Variants in NSUN6 observed in about 807,000 individuals in gnomAD.
NSUN6 encodes NOP2/Sun RNA methyltransferase 6, also known as tRNA (cytosine(72)-C(5))-methyltransferase NSUN6.
NSUN6 carries 64 observed loss-of-function variants against 58.0 expected under a neutral mutation model. The observed-to-expected ratio is 1.10, with a 90% confidence interval of 0.90 to 1.36. The LOEUF (loss-of-function observed/expected upper bound fraction) is 1.36, where lower values mean the gene tolerates loss of function less well. Among genes scored for constraint, NSUN6 ranks in the 40% most tolerant of loss-of-function variants. The probability of loss-of-function intolerance (pLI) is 0.00; values close to 1 mark genes in which losing one functional copy is unlikely to be tolerated. For missense variants in NSUN6, 701 were observed against 550.1 expected (o/e 1.27, Z -2.74); for synonymous variants, 231 against 193.9 (o/e 1.19, Z -1.59).
chr10:18,559,977 G>A (rs1475920350), intron 8 of NSUN6, among the ~76,000 whole-genome samples: 1 of 150,760 alleles, frequency 6.6e-6, no homozygotes, highest in Non-Finnish European at 1.5e-5. Flanking sequence ...GAATGGAATG[G>A]AGAATCGAAT....
intron 6 of NSUN6, among the ~76,000 whole-genome samples, chr10:18,607,701 G>C (rs1292099755): frequency 6.6e-6 from 1 of 152,244 alleles, no homozygotes; most frequent in South Asian, 2.1e-4. Flanking sequence ...CTCAGATGCA[G>C]ATCTTCCAAG....
In NSUN6 at chr10:18,630,551, G is replaced by A. The variant is rs552057128; in HGVS notation, c.311+11925C>T. Among the ~76,000 whole-genome samples, 394 of 151,952 alleles carry A rather than the reference G, an allele frequency of 2.6e-3. 2 individuals carry two copies. Among genetic ancestry groups the A allele is most frequent in the African/African-American group, 6.9e-3 (286 of 41,450 alleles). ...AAAGAGAGAAGAATCAAATAGATGC[G>A]ATAAAAAATGACAAAGGGGATATCA... On this transcript the variant is annotated intron_variant, in intron 3 of 10. Transcript: ENST00000377304.
At chr10:18,584,588 A>G (rs1461010502) in intron 8 of NSUN6, among the ~76,000 whole-genome samples, 1 of 152,202 alleles carries the variant, frequency 6.6e-6, no homozygotes, top group East Asian at 1.9e-4. Context: ...AGGTAGTCCC[A>G]AAAGGAAAGC....
chr10:18,603,478 C>CTTTTCTTT (rs1554871341), intron 6 of NSUN6, among the ~76,000 whole-genome samples: 3 of 147,768 alleles, frequency 2.0e-5, no homozygotes, highest in Non-Finnish European at 4.5e-5. Context: ...CTTTTCTTTT[C>CTTTTCTTT]TTTTTTTTTG....
At chr10:18,629,697 G>C (rs2058959565) in intron 3 of NSUN6, among the ~76,000 whole-genome samples, 1 of 151,276 alleles carries the variant, frequency 6.6e-6, no homozygotes, top group African/African-American at 2.4e-5. Flanking sequence ...TCAACAAGAA[G>C]AGCTAACTAT....
intron 7 of NSUN6, among the ~76,000 whole-genome samples, chr10:18,591,725 A>C (rs980686396): frequency 6.6e-6 from 1 of 152,200 alleles, no homozygotes; most frequent in African/African-American, 2.4e-5. Context: ...TCTCAAAATA[A>C]TGAGAGCTAT....
chr10:18,584,046 G>C (rs570002970), intron 8 of NSUN6, among the ~76,000 whole-genome samples: 1 of 152,260 alleles, frequency 6.6e-6, no homozygotes, highest in African/African-American at 2.4e-5. Flanking sequence ...AGAACTGACA[G>C]TCAATTTGCA....
intron 6 of NSUN6, among the ~76,000 whole-genome samples, chr10:18,601,120 CG>C (rs1406041528): frequency 6.6e-6 from 1 of 150,556 alleles, no homozygotes; most frequent in African/African-American, 2.4e-5. Flanking sequence ...TTCAAGAAAC[CG>C]TATCAGTTTT....
intron 2 of NSUN6, among the ~76,000 whole-genome samples, chr10:18,644,996 A>G (rs974277658): frequency 6.6e-6 from 1 of 151,866 alleles, no homozygotes; most frequent in Non-Finnish European, 1.5e-5. Flanking sequence ...TGTCTCTACT[A>G]AAAATACAAA....
intron 6 of NSUN6, among the ~76,000 whole-genome samples, chr10:18,607,494 C>G (rs1341411878): frequency 6.6e-6 from 1 of 152,086 alleles, no homozygotes; most frequent in African/African-American, 2.4e-5. Context: ...AGTTCTGAAC[C>G]AGCTTGAAAA....
chr10:18,636,868 G>A (rs1261692438), intron 3 of NSUN6, among the ~76,000 whole-genome samples: 7 of 147,704 alleles, frequency 4.7e-5, no homozygotes, highest in African/African-American at 1.3e-4. Flanking sequence ...CAGCCTGGGC[G>A]ACAGACCAAG....
At chr10:18,642,765 A>C (rs190499606) in intron 2 of NSUN6, among the ~76,000 whole-genome samples, 2 of 152,202 alleles carry the variant, frequency 1.3e-5, no homozygotes, top group African/African-American at 2.4e-5. Context: ...TAACTTCCTT[A>C]TAAGACTCAA....
At chr10:18,554,931 G>GAATGA (rs2054873816) in intron 8 of NSUN6, among the ~76,000 whole-genome samples, 3 of 65,224 alleles carry the variant, frequency 4.6e-5, no homozygotes, top group Non-Finnish European at 1.1e-4. Flanking sequence ...ATGGAATCAA[G>GAATGA]AATGGAATGG....
intron 1 of NSUN6, 117 bp downstream of exon 1, chr10:18,651,012 C>G: frequency 8.4e-7 from 1 of 1,184,686 alleles, no homozygotes; most frequent in South Asian, 1.5e-5. Context: ...ACTTGATAGA[C>G]AAGTAGTAAG....
chr10:18,575,533 C>T (rs1022656466), intron 8 of NSUN6, among the ~76,000 whole-genome samples: 4 of 152,180 alleles, frequency 2.6e-5, no homozygotes, highest in African/African-American at 9.6e-5. Context: ...TTTCACCACA[C>T]ACATTATTAA....
chr10:18,621,394 T>C (rs2058601566), intron 3 of NSUN6, among the ~76,000 whole-genome samples: 1 of 152,196 alleles, frequency 6.6e-6, no homozygotes, highest in Admixed American at 6.5e-5. Context: ...AATTCCCTAA[T>C]TCCTCTTAGA....
At position 18,586,070 on chromosome 10, in the gene NSUN6, T is replaced by A; in HGVS notation, c.801A>T (p.Lys267Asn). 1 of 1,606,734 alleles carries A rather than the reference T, an allele frequency of 6.2e-7. No individual in the cohort carries two copies. The highest frequency in any genetic ancestry group is 8.5e-7 in the Non-Finnish European group (1 of 1,177,036). Residue 267 changes from lysine to asparagine, a missense_variant, in exon 8 of 11, where the codon AAA (lysine) becomes AAT (asparagine). By Grantham distance (94) the Lys-to-Asn change is moderately conservative. Coordinates refer to ENST00000377304, the MANE Select transcript of NSUN6 (RefSeq NM_182543.5). ...TGATTTTTTCTACTTTGTTGAAGAT[T>A]TTATCCAGTGCTATAACTTCTCCCT... ...HDQGEVIALD[K>N]IFNKVEKIKQ...
intron 7 of NSUN6, among the ~76,000 whole-genome samples, chr10:18,586,517 G>T (rs931388130): frequency 6.6e-6 from 1 of 151,662 alleles, no homozygotes; most frequent in African/African-American, 2.4e-5. Context: ...GGGTGGGTTC[G>T]TGGTCTTGCT....
At chr10:18,619,914 AT>A (rs1338705585) in intron 3 of NSUN6, among the ~76,000 whole-genome samples, 2 of 152,010 alleles carry the variant, frequency 1.3e-5, no homozygotes, top group Non-Finnish European at 2.9e-5. Flanking sequence ...TTCATTAAAT[AT>A]TTTTACTATG....
Sources: gnomAD v4.1 joint callset for allele counts (sites outside exome capture counted in the v4.1 genomes callset) on GRCh38, gnomAD v4.1.1 for gene constraint, MANE v1.5 for transcripts, NCBI Gene and HGNC (gene_info 2026-07-23, HGNC 2026-07-21) for gene names.